The following RGS13 variants were observed in gnomAD, a reference collection of about 807,000 sequenced individuals.
RGS13 encodes the protein regulator of G-protein signalling 13.
A neutral mutation model predicts 19.9 loss-of-function variants in RGS13; 14 were observed. That is an observed-to-expected ratio of 0.70 (90% confidence interval 0.46 to 1.10). The LOEUF (loss-of-function observed/expected upper bound fraction) is 1.10, where lower values mean the gene tolerates loss of function less well. RGS13 is among the 50% of genes least tolerant of loss of function. The probability of loss-of-function intolerance (pLI) is 0.00; values close to 1 mark genes in which losing one functional copy is unlikely to be tolerated. For synonymous variants in RGS13, 60 were observed against 56.8 expected, an observed-to-expected ratio of 1.06 and a Z score of -0.25; for missense variants, 205 against 187.1, an observed-to-expected ratio of 1.10 and a Z score of -0.56.
chr1:192,659,343 C>T lies in RGS13; in HGVS notation c.300C>T (p.Asn100=), dbSNP rs1663564567. ...CATGTAATTTCACTTTTCAGATTAA[C>T]ATTGACAGTTCGACAAGAGAGACTA... The part of the protein sequence containing the change: ...YIQPQSPREI[N]IDSSTRETII... Residue 100 remains asparagine (N), a synonymous_variant, in exon 7 of 7, where the codon AAC becomes AAT. Transcript: ENST00000391995. 1 of 1,609,438 alleles carries T rather than the reference C, an allele frequency of 6.2e-7. No individual in the cohort carries two copies. Among genetic ancestry groups the T allele is most frequent in the Non-Finnish European group, 8.5e-7 (1 of 1,178,054 alleles).
At chr1:192,650,102 C>T (rs1663309097) in intron 5 of RGS13, among the ~76,000 whole-genome samples, 1 of 151,976 alleles carries the variant, frequency 6.6e-6, no homozygotes, top group Non-Finnish European at 1.5e-5. Context: ...GTTTCTGTGC[C>T]AGTCCTGGAA....
intron 3 of RGS13, among the ~76,000 whole-genome samples, chr1:192,643,522 TAGATAAAACCA>T (rs1663162304): frequency 6.6e-6 from 1 of 151,922 alleles, no homozygotes; most frequent in African/African-American, 2.4e-5. Flanking sequence ...GTGCCCAGAG[TAGATAAAACCA>T]GATAAGCAGC....
chr1:192,653,227 T>C (rs1016749639), intron 5 of RGS13, among the ~76,000 whole-genome samples: 1 of 151,980 alleles, frequency 6.6e-6, no homozygotes, highest in African/African-American at 2.4e-5. Flanking sequence ...GATTTGGAAT[T>C]CACGGGAAAA....
chr1:192,640,269 T>C (rs572710886), intron 3 of RGS13, among the ~76,000 whole-genome samples: 4 of 152,304 alleles, frequency 2.6e-5, no homozygotes, highest in Admixed American at 6.5e-5. Context: ...TCGAACTAAG[T>C]AGCTTGAAAT....
intron 5 of RGS13, among the ~76,000 whole-genome samples, chr1:192,651,312 G>T (rs1330238135): frequency 6.6e-5 from 10 of 152,082 alleles, no homozygotes; most frequent in Admixed American, 5.9e-4. Flanking sequence ...AACAAGAGCA[G>T]TTTCATGGGT....
At chr1:192,651,004 G>C (rs1663325840) in intron 5 of RGS13, among the ~76,000 whole-genome samples, 1 of 151,980 alleles carries the variant, frequency 6.6e-6, no homozygotes, top group South Asian at 2.1e-4. Flanking sequence ...GCTAACAAAA[G>C]TCACAGGGCT....
chr1:192,647,983 A>T lies in RGS13; in HGVS notation c.123A>T (p.Thr41=). 17 of 1,591,048 alleles carry T rather than the reference A, an allele frequency of 1.1e-5. No homozygotes were observed. The highest frequency in any genetic ancestry group is 1.5e-5 in the Non-Finnish European group (17 of 1,165,100). ...AGTCTTTTGAAAATTTAATGGCTAC[A>T]AAATGTGAGTATTGCGTATCTGTCA... The part of the protein sequence containing the change: ...WAQSFENLMA[T]KYGPVVYAAY... The change falls in exon 5 of 7, where the codon ACA becomes ACT. Residue 41 remains threonine (T), a synonymous_variant. Transcript: ENST00000391995.
At chr1:192,639,662 A>G (rs1663072329) in intron 3 of RGS13, among the ~76,000 whole-genome samples, 1 of 152,152 alleles carries the variant, frequency 6.6e-6, no homozygotes, top group African/African-American at 2.4e-5. Context: ...CATTTTTCTA[A>G]TCTTTACAGT....
intron 5 of RGS13, among the ~76,000 whole-genome samples, chr1:192,649,647 T>C (rs879800989): frequency 3.9e-5 from 6 of 152,142 alleles, no homozygotes; most frequent in Non-Finnish European, 7.4e-5. Flanking sequence ...AATTTGTCTC[T>C]AGCTATGACC....
chr1:192,637,597 G>A lies in RGS13; in HGVS notation c.-108G>A, dbSNP rs1318901429. The A allele has an allele frequency of 6.6e-6, 1 of 151,756 alleles. No homozygotes were observed. Among genetic ancestry groups the A allele is most frequent in the Admixed American group, 6.6e-5 (1 of 15,208 alleles). 9.4% of individuals were successfully genotyped at this position (151,756 alleles called of 1,614,324 possible). A position where few individuals can be genotyped will look rare whatever the true frequency, so the allele number is the denominator to read the frequency against. The stretch of plus-strand genomic sequence containing the variant: ...TTATTATTTTATTTTTAGGTCAATG[G>A]AATGTTTCCACATATTATACCACCA... On this transcript the variant is annotated 5_prime_UTR_variant, in exon 2 of 7. It introduces an in-frame stop codon into an upstream open reading frame of the 5' UTR. Transcript: ENST00000391995.
intron 3 of RGS13, among the ~76,000 whole-genome samples, chr1:192,641,268 AAG>A (rs1663112419): frequency 1.8e-5 from 2 of 112,290 alleles, no homozygotes; most frequent in South Asian, 6.3e-4. Flanking sequence ...GAAAGAAAGA[AAG>A]AAAGAAAGAA....
intron 5 of RGS13, among the ~76,000 whole-genome samples, chr1:192,650,418 A>T (rs554918842): frequency 1.3e-5 from 2 of 152,258 alleles, no homozygotes; most frequent in East Asian, 1.9e-4. Flanking sequence ...ACAAATATTA[A>T]ATGTGCCAGA....
rs1375836846 is a variant in RGS13 at position 192,659,960 on chromosome 1, C to T, written c.*437C>T. On this transcript the variant is annotated 3_prime_UTR_variant, in exon 7 of 7. Transcript: ENST00000391995. ...CTTGAATTTATAGACAAATGCTACT[C>T]ACAGTACAATCAATTGTATTATACC... 1 of 154,460 alleles carries T rather than the reference C, an allele frequency of 6.5e-6. No individual in the cohort carries two copies. The highest frequency in any genetic ancestry group is 6.5e-5 in the Admixed American group (1 of 15,344). 9.6% of individuals were successfully genotyped at this position (154,460 alleles called of 1,614,324 possible).
intron 4 of RGS13, chr1:192,646,327 G>A (rs1368041270): frequency 6.6e-6 from 1 of 152,072 alleles, no homozygotes; most frequent in Non-Finnish European, 1.5e-5. Flanking sequence ...GCTGATGGCT[G>A]TTCCTGCAGC....
intron 3 of RGS13, among the ~76,000 whole-genome samples, chr1:192,640,184 T>G (rs1663081586): frequency 6.6e-6 from 1 of 152,164 alleles, no homozygotes; most frequent in Non-Finnish European, 1.5e-5. Flanking sequence ...CCTATCCTCC[T>G]ACTTAGAAGA....
At chr1:192,654,332 T>C (rs1029088281) in intron 5 of RGS13, among the ~76,000 whole-genome samples, 4 of 151,312 alleles carry the variant, frequency 2.6e-5, no homozygotes, top group African/African-American at 7.3e-5. Flanking sequence ...AAATATTAAA[T>C]AGGAAATTTA....
chr1:192,639,446 T>C (rs575230308), intron 3 of RGS13, among the ~76,000 whole-genome samples: 1 of 152,082 alleles, frequency 6.6e-6, no homozygotes, highest in African/African-American at 2.4e-5. Context: ...ATTAATATAA[T>C]GTGTGAACAA....
At chr1:192,644,503 AG>A in intron 4 of RGS13, 104 bp downstream of exon 4, 1 of 919,082 alleles carries the variant, frequency 1.1e-6, no homozygotes, top group East Asian at 2.5e-5. Context: ...TTGTTCAGAA[AG>A]TAAAATTTGC....
At position 192,643,933 on chromosome 1, in the gene RGS13, A is replaced by T. The variant is rs145106277; in HGVS notation, c.-4-398A>T. Among the ~76,000 whole-genome samples the T allele has an allele frequency of 7.7e-3, 1,170 of 152,286 alleles. 45 individuals carry two copies. The highest frequency in any genetic ancestry group is 0.061 in the Admixed American group (927 of 15,288). On this transcript the variant is annotated intron_variant, in intron 3 of 6. Coordinates refer to ENST00000391995, the MANE Select transcript of RGS13 (RefSeq NM_002927.5). Reference sequence around the variant, plus strand: ...ATGCCACTGCACTCCAGGCTGGGTGACAGGGTGAGACCCTGTCTCAAAAAA... The same window carrying T: ...ATGCCACTGCACTCCAGGCTGGGTGTCAGGGTGAGACCCTGTCTCAAAAAA...
Sources: allele counts gnomAD v4.1 joint callset (sites outside exome capture counted in the v4.1 genomes callset), GRCh38; gene constraint gnomAD v4.1.1; transcripts MANE v1.5; gene names NCBI Gene and HGNC (gene_info 2026-07-23, HGNC 2026-07-21).